GPC6: variants seen among roughly 807,000 people sequenced by gnomAD.
GPC6 encodes glypican 6, also known as glypican-6.
A neutral mutation model predicts 55.2 loss-of-function variants in GPC6; 14 were observed. The ratio of observed to expected loss-of-function variants is 0.25; its 90% confidence interval spans 0.17 to 0.40. The LOEUF is 0.40. GPC6 is among the 10% of genes least tolerant of loss of function. GPC6 has a pLI of 1.00. For synonymous variants in GPC6, 278 were observed against 259.6 expected (o/e 1.07, Z -0.68); for missense variants, 641 against 708.5 (o/e 0.90, Z 1.08).
intron 2 of GPC6, among the ~76,000 whole-genome samples, chr13:93,728,036 G>A (rs965285760): frequency 6.6e-6 from 1 of 151,962 alleles, no homozygotes; most frequent in Non-Finnish European, 1.5e-5. Context: ...GGGTATTTTT[G>A]GTTTTGTTTT....
intron 4 of GPC6, among the ~76,000 whole-genome samples, chr13:94,117,078 G>A (rs958480460): frequency 2.6e-5 from 4 of 152,074 alleles, no homozygotes; most frequent in African/African-American, 9.7e-5. Context: ...GAGCAGCGAC[G>A]TTAATATCTT....
chr13:93,768,603 C>A (rs773016434), intron 2 of GPC6, among the ~76,000 whole-genome samples: 1 of 152,044 alleles, frequency 6.6e-6, no homozygotes, highest in African/African-American at 2.4e-5. Flanking sequence ...AATTTAGGAA[C>A]AAGGCATGAG....
chr13:94,245,576 A>C (rs1326220013), intron 4 of GPC6, among the ~76,000 whole-genome samples: 1 of 151,950 alleles, frequency 6.6e-6, no homozygotes, highest in Non-Finnish European at 1.5e-5. Flanking sequence ...CCTGTCTCTA[A>C]AAAATAAAAA....
intron 2 of GPC6, among the ~76,000 whole-genome samples, chr13:93,747,326 C>G (rs1362729665): frequency 1.3e-5 from 2 of 152,184 alleles, no homozygotes; most frequent in Non-Finnish European, 2.9e-5. Flanking sequence ...ACAGGACGCT[C>G]TTGCTTGTTA....
intron 2 of GPC6, among the ~76,000 whole-genome samples, chr13:93,817,877 G>A (rs909634154): frequency 1.3e-5 from 2 of 148,702 alleles, no homozygotes; most frequent in African/African-American, 2.5e-5. Flanking sequence ...TGTATAGATA[G>A]ATAGATAGAT....
At chr13:94,069,348 A>G (rs1467294722) in intron 4 of GPC6, among the ~76,000 whole-genome samples, 1 of 152,058 alleles carries the variant, frequency 6.6e-6, no homozygotes, top group Non-Finnish European at 1.5e-5. Flanking sequence ...CCTGGCCCAT[A>G]AAACCATTTT....
intron 3 of GPC6, among the ~76,000 whole-genome samples, chr13:93,899,087 T>C (rs1305726906): frequency 6.6e-6 from 1 of 151,750 alleles, no homozygotes; most frequent in Non-Finnish European, 1.5e-5. Flanking sequence ...TAATGACTTA[T>C]GTGCTTTCAT....
At chr13:93,832,665 A>G (rs763402735) in intron 3 of GPC6, among the ~76,000 whole-genome samples, 5 of 152,096 alleles carry the variant, frequency 3.3e-5, no homozygotes, top group African/African-American at 4.8e-5. Context: ...GTCATTCACA[A>G]CTGCCTAGAG....
At chr13:93,476,158 A>C (rs1377943612) in intron 1 of GPC6, among the ~76,000 whole-genome samples, 1 of 152,196 alleles carries the variant, frequency 6.6e-6, no homozygotes, top group Non-Finnish European at 1.5e-5. Flanking sequence ...AGTCAGCAGC[A>C]CATTTTAAAC....
chr13:93,519,070 A>T (rs1881311716), intron 1 of GPC6, among the ~76,000 whole-genome samples: 1 of 152,064 alleles, frequency 6.6e-6, no homozygotes, highest in African/African-American at 2.4e-5. Flanking sequence ...CAAAGACTGA[A>T]ATAGTTAAAA....
intron 1 of GPC6, among the ~76,000 whole-genome samples, chr13:93,289,435 C>CA (rs1878246369): frequency 6.6e-6 from 1 of 151,766 alleles, no homozygotes; most frequent in South Asian, 2.1e-4. Context: ...GAAAGACAAT[C>CA]AAAAAGTGAA....
chr13:93,251,048 A>G (rs1876770075), intron 1 of GPC6, among the ~76,000 whole-genome samples: 1 of 152,166 alleles, frequency 6.6e-6, no homozygotes, highest in East Asian at 1.9e-4. Context: ...AGACTTATTC[A>G]CTACCACAAA....
intron 1 of GPC6, among the ~76,000 whole-genome samples, chr13:93,520,246 T>A (rs1881363325): frequency 1.3e-5 from 2 of 151,956 alleles, no homozygotes; most frequent in African/African-American, 4.8e-5. Context: ...AATTATAGCA[T>A]TGTCCAATCC....
chr13:93,704,298 A>G (rs1882771465), intron 2 of GPC6, among the ~76,000 whole-genome samples: 1 of 151,960 alleles, frequency 6.6e-6, no homozygotes, highest in South Asian at 2.1e-4. Flanking sequence ...GGAAGAATTT[A>G]TTCTGCAAAT....
chr13:94,348,722 C>T (rs1878403123), intron 6 of GPC6, among the ~76,000 whole-genome samples: 1 of 152,182 alleles, frequency 6.6e-6, no homozygotes, highest in Non-Finnish European at 1.5e-5. Context: ...CTGGACCACC[C>T]TCTGACACTG....
At chr13:93,475,035 A>G in intron 1 of GPC6, among the ~76,000 whole-genome samples, 1 of 152,116 alleles carries the variant, frequency 6.6e-6, no homozygotes, top group Non-Finnish European at 1.5e-5. Flanking sequence ...AATTGCAGCT[A>G]CTCAGGAGGC....
At chr13:94,056,439 A>G (rs1309151773) in intron 4 of GPC6, among the ~76,000 whole-genome samples, 2 of 152,206 alleles carry the variant, frequency 1.3e-5, no homozygotes, top group Non-Finnish European at 2.9e-5. Context: ...AATTCAATAC[A>G]CGTGGAGAAT....
intron 6 of GPC6, among the ~76,000 whole-genome samples, chr13:94,372,889 C>T (rs1235708500): frequency 6.6e-6 from 1 of 152,160 alleles, no homozygotes; most frequent in East Asian, 1.9e-4. Flanking sequence ...ACTGCCTCCT[C>T]AAGTGGGTCC....
chr13:93,328,342 G>T (rs1879726022), intron 1 of GPC6, among the ~76,000 whole-genome samples: 1 of 152,054 alleles, frequency 6.6e-6, no homozygotes, highest in Admixed American at 6.6e-5. Flanking sequence ...GTCTATAGAG[G>T]TTACCTTGGT....
Sources: gnomAD v4.1 joint callset for allele counts (sites outside exome capture counted in the v4.1 genomes callset) on GRCh38, gnomAD v4.1.1 for gene constraint, MANE v1.5 for transcripts, NCBI Gene and HGNC (gene_info 2026-07-23, HGNC 2026-07-21) for gene names.